The following ZNF713 variants were observed in gnomAD, a reference collection of about 807,000 sequenced individuals.
ZNF713 encodes zinc finger protein 713.
In ZNF713, 21 loss-of-function variants were observed where a neutral mutation model predicts 28.7. The observed-to-expected ratio is 0.73, with a 90% CI of 0.52 to 1.05. The LOEUF is 1.05. Among genes scored for constraint, ZNF713 ranks in the 50% least tolerant of loss-of-function variants. The probability of loss-of-function intolerance (pLI) is 0.00; values close to 1 mark genes in which losing one functional copy is unlikely to be tolerated. For synonymous variants in ZNF713, 167 were observed against 178.0 expected, an observed-to-expected ratio of 0.94 and a Z score of 0.49; for missense variants, 458 against 532.4, an observed-to-expected ratio of 0.86 and a Z score of 1.37.
intron 6 of ZNF713, among the ~76,000 whole-genome samples, chr7:55,937,073 C>T (rs756721435): frequency 6.6e-6 from 1 of 151,996 alleles, no homozygotes; most frequent in African/African-American, 2.4e-5. Context: ...CCAAGGCGGG[C>T]GGATTGCCTG....
intron 1 of ZNF713, among the ~76,000 whole-genome samples, chr7:55,888,835 C>G (rs543766639): frequency 6.6e-6 from 1 of 151,946 alleles, no homozygotes; most frequent in East Asian, 1.9e-4. Flanking sequence ...ATCACTTGAG[C>G]TCATGAGTTC....
chr7:55,934,266 G>A (rs1335231403), intron 6 of ZNF713, among the ~76,000 whole-genome samples: 2 of 151,848 alleles, frequency 1.3e-5, no homozygotes, highest in African/African-American at 2.4e-5. Context: ...ATGTACTTGC[G>A]CACAAAACTT....
intron 6 of ZNF713, among the ~76,000 whole-genome samples, chr7:55,930,068 C>T (rs969888084): frequency 6.7e-6 from 1 of 148,416 alleles, no homozygotes; most frequent in African/African-American, 2.5e-5. Context: ...ATGAACAGTT[C>T]TTTTTTTTTT....
chr7:55,940,193 G>T lies in ZNF713; in HGVS notation c.*187G>T. ...GCTGAAGTGCAGTGGTACAATCTTG[G>T]CTCACTGCAACCTCTGCCACCTGGG... On this transcript the variant is annotated 3_prime_UTR_variant, in exon 7 of 7. Coordinates refer to ENST00000429591, the MANE Select transcript of ZNF713 (RefSeq NM_182633.3). 1 of 1,064,514 alleles carries T rather than the reference G, an allele frequency of 9.4e-7. No homozygotes were observed. The highest frequency in any genetic ancestry group is 1.3e-6 in the Non-Finnish European group (1 of 795,032). The allele number at this position is 1,064,514 out of a possible 1,614,324, so 65.9% of individuals were successfully genotyped here. A position where few individuals can be genotyped will look rare whatever the true frequency, so the allele number is the denominator to read the frequency against.
At chr7:55,914,473 G>T (rs180858176) in intron 4 of ZNF713, among the ~76,000 whole-genome samples, 1 of 152,154 alleles carries the variant, frequency 6.6e-6, no homozygotes, top group Non-Finnish European at 1.5e-5. Context: ...GGGATTGCAG[G>T]TGTGAGCCAC....
intron 5 of ZNF713, 91 bp from the exon 6 acceptor site, chr7:55,923,516 A>ATT: frequency 8.1e-7 from 1 of 1,238,752 alleles, no homozygotes; most frequent in South Asian, 1.4e-5. Flanking sequence ...TCTCCCCTCC[A>ATT]GAGGCTCTAA....
In ZNF713 at chr7:55,923,239, C is replaced by A; in HGVS notation, c.165C>A (p.Asn55Lys). 1 of 1,613,878 alleles carries A rather than the reference C, an allele frequency of 6.2e-7. No individual in the cohort carries two copies. Among genetic ancestry groups the A allele is most frequent in the South Asian group, 1.1e-5 (1 of 91,032 alleles). The change falls in exon 5 of 7, where the codon AAC becomes AAA. Residue 55 changes from asparagine (N) to lysine (K), a missense_variant. Physicochemically the swap from Asn to Lys is moderately conservative, Grantham distance 94. Transcript: ENST00000429591. ...ACCAGCTGTACCCTGCCCAAAAGAACCTCTATCGAGACGTGATGCTGGAGA... is the reference window on the plus strand; with the variant it reads ...ACCAGCTGTACCCTGCCCAAAAGAAACTCTATCGAGACGTGATGCTGGAGA... ...EWDQLYPAQK[N>K]LYRDVMLENY...
intron 1 of ZNF713, among the ~76,000 whole-genome samples, chr7:55,900,032 C>A (rs763438891): frequency 2.0e-5 from 3 of 152,054 alleles, no homozygotes; most frequent in African/African-American, 4.8e-5. Flanking sequence ...GTGTGAGCCA[C>A]CACACCAGGA....
At chr7:55,893,823 G>T (rs150249357) in intron 1 of ZNF713, among the ~76,000 whole-genome samples, 111 of 152,076 alleles carry the variant, frequency 7.3e-4, no homozygotes, top group African/African-American at 2.4e-3. Flanking sequence ...CAAATGATCC[G>T]TCCACCTTGG....
chr7:55,898,523 GGAGGA>G (rs1584297507), intron 1 of ZNF713, among the ~76,000 whole-genome samples: 1 of 152,296 alleles, frequency 6.6e-6, no homozygotes, highest in East Asian at 1.9e-4. Context: ...TCATATGGCA[GGAGGA>G]GAGAGTGCAA....
At chr7:55,927,103 C>T (rs1481326872) in intron 6 of ZNF713, among the ~76,000 whole-genome samples, 1 of 152,100 alleles carries the variant, frequency 6.6e-6, no homozygotes, top group African/African-American at 2.4e-5. Flanking sequence ...GACTGCACCA[C>T]TGCACTCCAG....
chr7:55,905,652 G>C (rs928892670), intron 1 of ZNF713, among the ~76,000 whole-genome samples: 1 of 151,918 alleles, frequency 6.6e-6, no homozygotes, highest in Admixed American at 6.6e-5. Flanking sequence ...ATTGCAGGGC[G>C]CACATGTTTA....
intron 1 of ZNF713, among the ~76,000 whole-genome samples, chr7:55,905,175 T>C (rs1021521841): frequency 3.9e-5 from 6 of 152,068 alleles, no homozygotes; most frequent in Admixed American, 3.9e-4. Context: ...GTGAAAAACA[T>C]TGAGGTTGAA....
intron 1 of ZNF713, among the ~76,000 whole-genome samples, chr7:55,903,428 G>C (rs1785614921): frequency 6.6e-6 from 1 of 151,954 alleles, no homozygotes; most frequent in African/African-American, 2.4e-5. Flanking sequence ...CTAGCACTTT[G>C]GGAGGACAAG....
At chr7:55,907,363 A>G (rs1043452855) in intron 2 of ZNF713, among the ~76,000 whole-genome samples, 5 of 152,166 alleles carry the variant, frequency 3.3e-5, no homozygotes, top group African/African-American at 1.2e-4. Flanking sequence ...TTTAAATATT[A>G]GGCCCTGGAA....
intron 1 of ZNF713, among the ~76,000 whole-genome samples, chr7:55,891,456 AT>A (rs1380961536): frequency 2.0e-5 from 3 of 151,780 alleles, no homozygotes; most frequent in Admixed American, 6.6e-5. Context: ...TAGAAAAAAA[AT>A]TAAATCATAG....
intron 6 of ZNF713, among the ~76,000 whole-genome samples, chr7:55,933,019 C>T (rs1786272438): frequency 6.6e-6 from 1 of 151,290 alleles, no homozygotes; most frequent in Non-Finnish European, 1.5e-5. Flanking sequence ...GGGCGAATCA[C>T]AAGGTCAGGA....
chr7:55,906,208 A>T (rs904919505), intron 1 of ZNF713, 45 bp from the exon 2 acceptor site: 2 of 152,108 alleles, frequency 1.3e-5, no homozygotes, highest in Non-Finnish European at 2.9e-5. Context: ...TGGCCCAAAT[A>T]AGCTCTCCGC....
At chr7:55,903,008 A>G (rs940711738) in intron 1 of ZNF713, among the ~76,000 whole-genome samples, 1 of 151,766 alleles carries the variant, frequency 6.6e-6, no homozygotes, top group African/African-American at 2.4e-5. Context: ...AAAAAAAAAA[A>G]AAAAAAAGAG....
Sources: gnomAD v4.1 joint callset for allele counts (sites outside exome capture counted in the v4.1 genomes callset) on GRCh38, gnomAD v4.1.1 for gene constraint, MANE v1.5 for transcripts, NCBI Gene and HGNC (gene_info 2026-07-23, HGNC 2026-07-21) for gene names.